Variants in KLHL41 observed in about 807,000 individuals in gnomAD.
KLHL41 encodes kelch like family member 41.
Under a neutral mutation model 49.2 loss-of-function variants are expected in KLHL41, and 31 were observed. The observed-to-expected ratio is 0.63, with a 90% CI of 0.47 to 0.85. The LOEUF is 0.85. KLHL41 is among the 40% of genes least tolerant of loss of function. The pLI, the probability that KLHL41 is intolerant of heterozygous loss-of-function variation, is 0.00. For missense variants in KLHL41, 663 were observed against 726.7 expected (o/e 0.91, Z 1.01); for synonymous variants, 218 against 258.5 (o/e 0.84, Z 1.50).
intron 1 of KLHL41, chr2:169,514,366 T>C (rs775129813): frequency 8.7e-5 from 38 of 434,750 alleles, no homozygotes; most frequent in Non-Finnish European, 5.6e-5. Context: ...GATTTTGATA[T>C]CTTTATCTGG....
At chr2:169,513,496 A>G (rs1309871777) in intron 1 of KLHL41, among the ~76,000 whole-genome samples, 1 of 152,224 alleles carries the variant, frequency 6.6e-6, no homozygotes, top group Non-Finnish European at 1.5e-5. Context: ...GAAATTAGTG[A>G]ATGCAAAGCT....
chr2:169,525,536 C>A, intron 5 of KLHL41, 49 bp from the exon 6 acceptor site: 1 of 1,116,712 alleles, frequency 9.0e-7, no homozygotes, highest in Non-Finnish European at 1.4e-6. Flanking sequence ...CACAGGGAAA[C>A]CTATGGAACT....
chr2:169,518,431 A>C, intron 4 of KLHL41, 56 bp downstream of exon 4: 1 of 1,300,984 alleles, frequency 7.7e-7, no homozygotes, highest in South Asian at 1.5e-5. Context: ...TTTAATTGTT[A>C]ACTTTGGATA....
At chr2:169,525,481 A>G (rs1453832452) in intron 5 of KLHL41, 104 bp from the exon 6 acceptor site, 2 of 688,804 alleles carry the variant, frequency 2.9e-6, no homozygotes, top group South Asian at 1.8e-5. Flanking sequence ...TCTTCTGAGT[A>G]AGAGCCACTA....
At chr2:169,521,970 C>T (rs1472457818) in intron 5 of KLHL41, among the ~76,000 whole-genome samples, 1 of 150,418 alleles carries the variant, frequency 6.6e-6, no homozygotes, top group African/African-American at 2.4e-5. Flanking sequence ...CACTGCACTC[C>T]AGCCTCAGCT....
Position 169,525,908 on chromosome 2 carries a change from A to T in KLHL41, c.*212A>T, listed in dbSNP as rs1684298235. On this transcript the variant is annotated 3_prime_UTR_variant, in exon 6 of 6. Transcript: ENST00000284669. Reference sequence around the variant, plus strand: ...AAAACCATTTTCTAATAATAAATTAAATCTTCAGTTGAACAAATTATTTTG... The same window carrying T: ...AAAACCATTTTCTAATAATAAATTATATCTTCAGTTGAACAAATTATTTTG... 1 of 360,394 alleles carries T rather than the reference A, an allele frequency of 2.8e-6. No individual in the cohort carries two copies. The highest frequency in any genetic ancestry group is 2.1e-5 in the African/African-American group (1 of 47,808). The allele number at this position is 360,394 out of a possible 1,614,324, so 22.3% of individuals were successfully genotyped here.
chr2:169,525,665 G>T lies in KLHL41; in HGVS notation c.1790G>T (p.Arg597Leu). 1 of 1,610,872 alleles carries T rather than the reference G, an allele frequency of 6.2e-7. No homozygotes were observed. The highest frequency in any genetic ancestry group is 1.7e-4 in the Middle Eastern group (1 of 6,056). Residue 597 changes from arginine (R) to leucine (L), a missense_variant, in exon 6 of 6, where the codon CGT (arginine) becomes CTT (leucine). Physicochemically the swap from Arg to Leu is moderately radical, Grantham distance 102. Around this residue, in one of 3 missense-constraint regions of KLHL41, gnomAD observed 528 missense variants for 581.0 expected, o/e 0.91. Transcript: ENST00000284669. ...YASGASCLATRLNLFKLSKL is the reference protein window; with the variant it reads ...YASGASCLATLLNLFKLSKL ...TCAGGAGCTAGTTGCCTAGCAACACGTTTAAATCTCTTCAAACTGTCTAAA... is the reference window on the plus strand; with the variant it reads ...TCAGGAGCTAGTTGCCTAGCAACACTTTTAAATCTCTTCAAACTGTCTAAA...
intron 4 of KLHL41, among the ~76,000 whole-genome samples, 173 bp from the exon 5 acceptor site, chr2:169,520,688 G>A (rs1256774036): frequency 1.3e-5 from 2 of 149,268 alleles, no homozygotes. Flanking sequence ...CCTGACCTCA[G>A]GTGATCTACC....
At position 169,525,804 on chromosome 2, in the gene KLHL41, C is replaced by G; in HGVS notation, c.*108C>G. On this transcript the variant is annotated 3_prime_UTR_variant, in exon 6 of 6. Coordinates refer to ENST00000284669, the MANE Select transcript of KLHL41 (RefSeq NM_006063.3). ...TACAGACACTCATGTAGAAATTATT[C>G]AAGAAGTTATTGTCTAAGAGATGAG... 2 of 602,460 alleles carry G rather than the reference C, an allele frequency of 3.3e-6. No homozygotes were observed. The highest frequency in any genetic ancestry group is 2.5e-5 in the South Asian group (1 of 39,620). The allele number at this position is 602,460 out of a possible 1,614,324, so 37.3% of individuals were successfully genotyped here.
chr2:169,519,822 T>G (rs1015506357), intron 4 of KLHL41, among the ~76,000 whole-genome samples: 166 of 151,930 alleles, frequency 1.1e-3, no homozygotes, highest in Non-Finnish European at 1.0e-4. Context: ...TCGAACTCCT[T>G]ACCTCAGGTG....
chr2:169,523,691 A>G (rs1684237470), intron 5 of KLHL41, among the ~76,000 whole-genome samples: 1 of 152,156 alleles, frequency 6.6e-6, no homozygotes, highest in Non-Finnish European at 1.5e-5. Flanking sequence ...TCTATTGGCA[A>G]TTAAGTTTGA....
Position 169,525,682 on chromosome 2 carries a change from C to G in KLHL41, c.1807C>G (p.Leu603Val). Reference protein sequence around the residue: ...CLATRLNLFKLSKL With the variant: ...CLATRLNLFKVSKL Reference sequence around the variant, plus strand: ...AGCAACACGTTTAAATCTCTTCAAACTGTCTAAACTGTGAACAAGGTGACA... The same window carrying G: ...AGCAACACGTTTAAATCTCTTCAAAGTGTCTAAACTGTGAACAAGGTGACA... The change falls in exon 6 of 6, where the codon CTG becomes GTG. Residue 603 changes from leucine to valine, a missense_variant. Around this residue, in one of 3 missense-constraint regions of KLHL41, gnomAD observed 528 missense variants for 581.0 expected, o/e 0.91. Coordinates refer to ENST00000284669, the MANE Select transcript of KLHL41 (RefSeq NM_006063.3). 6.3e-7 allele frequency: 1 copy of G among 1,597,664 alleles called. No homozygotes were observed. The highest frequency in any genetic ancestry group is 8.6e-7 in the Non-Finnish European group (1 of 1,165,280).
chr2:169,518,784 A>G (rs1684155667), intron 4 of KLHL41, among the ~76,000 whole-genome samples: 2 of 152,146 alleles, frequency 1.3e-5, no homozygotes, highest in East Asian at 3.8e-4. Flanking sequence ...GGCTCAGGTG[A>G]TCCTCTCACC....
chr2:169,510,250 G>C lies in KLHL41; in HGVS notation c.472G>C (p.Val158Leu). Residue 158 changes from valine (V) to leucine (L), a missense_variant, in exon 1 of 6, where the codon GTG becomes CTG. Physicochemically the swap from Val to Leu is conservative, Grantham distance 32. Around this residue, in one of 3 missense-constraint regions of KLHL41, gnomAD observed 528 missense variants for 581.0 expected, o/e 0.91. Transcript: ENST00000284669. This position sits in a 1 kb window ranked among gnomAD's most constrained non-coding sequence, Gnocchi z 4.2. ...ACTCGCCATTTCTGCCCGTGAATTT[G>C]TGTCTGATCGCTTTGTACAGATTTG... ...PRLAISAREF[V>L]SDRFVQICKE... 3 of 1,613,942 alleles carry C rather than the reference G, an allele frequency of 1.9e-6. No homozygotes were observed. Among genetic ancestry groups the C allele is most frequent in the Non-Finnish European group, 2.5e-6 (3 of 1,180,014 alleles).
At chr2:169,521,185 AC>A (rs2105312665) in intron 5 of KLHL41, among the ~76,000 whole-genome samples, 178 bp downstream of exon 5, 1 of 152,282 alleles carries the variant, frequency 6.6e-6, no homozygotes, top group East Asian at 1.9e-4. Flanking sequence ...ACAAGTATCT[AC>A]TTCTAGTTAG....
chr2:169,523,090 T>C (rs972077166), intron 5 of KLHL41, among the ~76,000 whole-genome samples: 1 of 151,942 alleles, frequency 6.6e-6, no homozygotes, highest in African/African-American at 2.4e-5. Flanking sequence ...TGTCAATCAG[T>C]GGGACCTCCC....
chr2:169,516,729 A>C (rs1415118923), intron 3 of KLHL41, among the ~76,000 whole-genome samples: 2 of 152,230 alleles, frequency 1.3e-5, no homozygotes, highest in Non-Finnish European at 2.9e-5. Context: ...ATTATCTAAA[A>C]GTAAGTGCTG....
At chr2:169,519,914 G>C (rs887330656) in intron 4 of KLHL41, among the ~76,000 whole-genome samples, 3 of 151,718 alleles carry the variant, frequency 2.0e-5, no homozygotes, top group East Asian at 1.9e-4. Context: ...CATATTGAAG[G>C]CTTTATATTT....
chr2:169,511,377 T>A (rs1372102047), intron 1 of KLHL41, among the ~76,000 whole-genome samples: 1 of 152,202 alleles, frequency 6.6e-6, no homozygotes, highest in Non-Finnish European at 1.5e-5. Context: ...TCTTGTATAC[T>A]CTTACCTATT....
Sources: gnomAD v4.1 joint callset for allele counts (sites outside exome capture counted in the v4.1 genomes callset) on GRCh38, gnomAD v4.1.1 for gene constraint, gnomAD v4.1.1 regional missense constraint, Gnocchi (gnomAD v3.1) non-coding constraint, MANE v1.5 for transcripts, NCBI Gene and HGNC (gene_info 2026-07-23, HGNC 2026-07-21) for gene names.